Variants in RTN4IP1 observed in about 807,000 individuals in gnomAD.
The protein encoded by RTN4IP1 is reticulon 4 interacting protein 1, also known as NAD(P)H oxidoreductase RTN4IP1, mitochondrial.
In RTN4IP1, 32 loss-of-function variants were observed where a neutral mutation model predicts 46.6. The ratio of observed to expected loss-of-function variants is 0.69; its 90% CI spans 0.52 to 0.92. The LOEUF (loss-of-function observed/expected upper bound fraction) is 0.92, where lower values mean the gene tolerates loss of function less well. Among genes scored for constraint, RTN4IP1 ranks in the 40% least tolerant of loss-of-function variants. RTN4IP1 has a pLI of 0.00. For missense variants in RTN4IP1, 424 were observed against 485.8 expected (o/e 0.87, Z 1.20); for synonymous variants, 167 against 161.8 (o/e 1.03, Z -0.24).
chr6:106,597,221 T>G (rs1006519854), intron 5 of RTN4IP1, among the ~76,000 whole-genome samples: 1 of 152,236 alleles, frequency 6.6e-6, no homozygotes, highest in East Asian at 1.9e-4. Context: ...GAAAGTTTCT[T>G]TAATTATTGT....
Position 106,592,180 on chromosome 6 carries a change from A to G in RTN4IP1, c.790T>C (p.Leu264=). 1.2e-6 allele frequency: 2 copies of G among 1,614,032 alleles called. No individual in the cohort carries two copies. The highest frequency in any genetic ancestry group is 1.7e-6 in the Non-Finnish European group (2 of 1,179,972). The part of the protein sequence containing the change: ...DYKSGSVEEQ[L]KSLKPFDFIL... ...AATACATACGGTTTTAAGGATTTCAACTGCTCTTCCACACTTCCAGATTTG... is the reference window on the plus strand; with the variant it reads ...AATACATACGGTTTTAAGGATTTCAGCTGCTCTTCCACACTTCCAGATTTG... The change falls in exon 6 of 9, where the codon TTG becomes CTG. Residue 264 remains leucine (L), a synonymous_variant. Transcript: ENST00000369063.
At chr6:106,592,625 G>A (rs1775689898) in intron 5 of RTN4IP1, among the ~76,000 whole-genome samples, 1 of 152,152 alleles carries the variant, frequency 6.6e-6, no homozygotes, top group Non-Finnish European at 1.5e-5. Flanking sequence ...AAAGACAGGA[G>A]TTGAAAGCCT....
At chr6:106,620,737 C>T (rs539404298) in intron 3 of RTN4IP1, among the ~76,000 whole-genome samples, 30 of 152,248 alleles carry the variant, frequency 2.0e-4, no homozygotes, top group Admixed American at 7.2e-4. Flanking sequence ...ACCTGCCTCA[C>T]AGATGTTCAG....
intron 4 of RTN4IP1, among the ~76,000 whole-genome samples, chr6:106,610,825 A>G (rs1776204836): frequency 6.6e-6 from 1 of 152,218 alleles, no homozygotes; most frequent in Admixed American, 6.5e-5. Flanking sequence ...TCAGTATTAC[A>G]TTACTTAGGC....
At chr6:106,594,948 C>T (rs953266631) in intron 5 of RTN4IP1, among the ~76,000 whole-genome samples, 4 of 151,986 alleles carry the variant, frequency 2.6e-5, no homozygotes, top group South Asian at 4.1e-4. Flanking sequence ...ACTACAGGCA[C>T]GTCACACCAC....
intron 6 of RTN4IP1, 98 bp downstream of exon 6, chr6:106,592,066 G>T: frequency 7.9e-7 from 1 of 1,258,706 alleles, no homozygotes; most frequent in Non-Finnish European, 1.1e-6. Context: ...TCCTTCTCAA[G>T]ATTCCAACAT....
intron 1 of RTN4IP1, among the ~76,000 whole-genome samples, chr6:106,625,919 G>C (rs1038279657): frequency 2.0e-5 from 3 of 152,050 alleles, no homozygotes. Flanking sequence ...GCCTCCCAAA[G>C]TGCTGGAATT....
chr6:106,591,571 C>T (rs566726040), intron 6 of RTN4IP1, among the ~76,000 whole-genome samples: 79 of 152,262 alleles, frequency 5.2e-4, no homozygotes, highest in African/African-American at 1.9e-3. Context: ...CTGCTCTCAG[C>T]TTCAGCTTGG....
chr6:106,571,758 C>A lies in RTN4IP1; in HGVS notation c.*238G>T. On this transcript the variant is annotated 3_prime_UTR_variant, in exon 9 of 9. Transcript: ENST00000369063. Reference sequence around the variant, plus strand: ...GAAGGTGCCACAACAACCTGCAAAGCCAGTGTGAAGGAACAGCTTGAAAAA... The same window carrying A: ...GAAGGTGCCACAACAACCTGCAAAGACAGTGTGAAGGAACAGCTTGAAAAA... 1 of 431,020 alleles carries A rather than the reference C, an allele frequency of 2.3e-6. No individual in the cohort carries two copies. The highest frequency in any genetic ancestry group is 4.2e-6 in the Non-Finnish European group (1 of 238,278). The allele number at this position is 431,020 out of a possible 1,614,324, so 26.7% of individuals were successfully genotyped here. A position where few individuals can be genotyped will look rare whatever the true frequency, so the allele number is the denominator to read the frequency against.
In RTN4IP1 at chr6:106,584,486, C is replaced by T. The variant is rs1450342057; in HGVS notation, c.991-1066G>A. Among the ~76,000 whole-genome samples, 5 of 152,158 alleles carry T rather than the reference C, an allele frequency of 3.3e-5. No homozygotes were observed. The East Asian group carries it at 9.6e-4, about 29-fold the overall frequency. Reference sequence around the variant, plus strand: ...AGTATGATATAAGCTACTACCATGGCGTGAGGCTGAAAAATGCAATGGAAA... The same window carrying T: ...AGTATGATATAAGCTACTACCATGGTGTGAGGCTGAAAAATGCAATGGAAA... On this transcript the variant is annotated intron_variant, in intron 7 of 8. Coordinates refer to ENST00000369063, the MANE Select transcript of RTN4IP1 (RefSeq NM_032730.5).
chr6:106,611,957 G>A (rs1776236086), intron 4 of RTN4IP1, among the ~76,000 whole-genome samples: 1 of 152,156 alleles, frequency 6.6e-6, no homozygotes, highest in Non-Finnish European at 1.5e-5. Context: ...GGATAACAAT[G>A]GCTTTGTTAT....
chr6:106,602,801 A>G, intron 5 of RTN4IP1, 73 bp downstream of exon 5: 1 of 1,052,368 alleles, frequency 9.5e-7, no homozygotes, highest in Non-Finnish European at 1.4e-6. Context: ...TTTTAAGGAG[A>G]AATAATGTAT....
At chr6:106,625,389 G>A (rs79911964) in intron 1 of RTN4IP1, among the ~76,000 whole-genome samples, 2,953 of 152,138 alleles carry the variant, frequency 0.019, 109 homozygotes, top group African/African-American at 0.067. Context: ...TGCTGCTGAC[G>A]GGAGACAGGT....
intron 5 of RTN4IP1, among the ~76,000 whole-genome samples, chr6:106,592,600 C>T (rs1204115526): frequency 6.6e-6 from 1 of 152,114 alleles, no homozygotes; most frequent in Non-Finnish European, 1.5e-5. Flanking sequence ...GACTCAGTGC[C>T]TCAACAGTAA....
chr6:106,594,361 T>G (rs1775732459), intron 5 of RTN4IP1, among the ~76,000 whole-genome samples: 1 of 151,974 alleles, frequency 6.6e-6, no homozygotes, highest in African/African-American at 2.4e-5. Context: ...TACAAAAAAG[T>G]AGCTGGGCCT....
chr6:106,589,136 G>A (rs1222533387), intron 6 of RTN4IP1, among the ~76,000 whole-genome samples: 1 of 102,220 alleles, frequency 9.8e-6, no homozygotes, highest in African/African-American at 3.6e-5. Context: ...GGAAGAAGAA[G>A]AAGAGGAAGA....
intron 5 of RTN4IP1, among the ~76,000 whole-genome samples, chr6:106,597,337 G>A (rs923681512): frequency 6.6e-6 from 1 of 151,900 alleles, no homozygotes; most frequent in African/African-American, 2.4e-5. Flanking sequence ...ACTTTCTCTT[G>A]ACTCTGTTTT....
chr6:106,615,315 C>T (rs1316425484), intron 4 of RTN4IP1, among the ~76,000 whole-genome samples: 1 of 152,112 alleles, frequency 6.6e-6, no homozygotes, highest in Non-Finnish European at 1.5e-5. Flanking sequence ...ATGTTTTTAA[C>T]TCTGGGCCTA....
chr6:106,624,245 G>C (rs138098033), intron 1 of RTN4IP1, among the ~76,000 whole-genome samples: 11,047 of 151,950 alleles, frequency 0.073, 1,009 homozygotes, highest in African/African-American at 0.2. Flanking sequence ...TAGTAGAGAT[G>C]GGATTTCACC....
Sources: gnomAD v4.1 joint callset for allele counts (sites outside exome capture counted in the v4.1 genomes callset) on GRCh38, gnomAD v4.1.1 for gene constraint, MANE v1.5 for transcripts, NCBI Gene and HGNC (gene_info 2026-07-23, HGNC 2026-07-21) for gene names.